PLCXD3: variants seen among roughly 807,000 people sequenced by gnomAD.
PLCXD3 encodes the protein phosphatidylinositol specific phospholipase C X domain containing 3.
In PLCXD3, 19 loss-of-function variants were observed where a neutral mutation model predicts 25.5. The ratio of observed to expected loss-of-function variants is 0.75; its 90% CI spans 0.52 to 1.09. The LOEUF is 1.09. Ranked by LOEUF, PLCXD3 falls within the 50% of genes least tolerant of loss-of-function variation. The probability of loss-of-function intolerance (pLI) is 0.00; values close to 1 mark genes in which losing one functional copy is unlikely to be tolerated. For synonymous variants in PLCXD3, 174 were observed against 137.6 expected, an observed-to-expected ratio of 1.26 and a Z score of -1.85; for missense variants, 411 against 388.1, an observed-to-expected ratio of 1.06 and a Z score of -0.50.
chr5:41,368,237 T>C (rs1406259357), intron 2 of PLCXD3, among the ~76,000 whole-genome samples: 1 of 152,190 alleles, frequency 6.6e-6, no homozygotes, highest in Non-Finnish European at 1.5e-5. Context: ...GAATGGTAGT[T>C]CATTCATAAT....
chr5:41,375,789 A>T (rs1745277128), intron 2 of PLCXD3, among the ~76,000 whole-genome samples: 1 of 152,144 alleles, frequency 6.6e-6, no homozygotes, highest in African/African-American at 2.4e-5. Context: ...AAATGCAGCC[A>T]GTGCTAAGCA....
At position 41,393,988 on chromosome 5, in the gene PLCXD3, G is replaced by T. The variant is rs548186502; in HGVS notation, c.104-11454C>A. Among the ~76,000 whole-genome samples, 7 of 151,992 alleles carry T rather than the reference G, an allele frequency of 4.6e-5. No individual in the cohort carries two copies. The South Asian group carries it at 1.5e-3, about 32-fold the overall frequency. On this transcript the variant is annotated intron_variant, in intron 1 of 2. Coordinates refer to ENST00000377801, the MANE Select transcript of PLCXD3 (RefSeq NM_001005473.3). Reference sequence around the variant, plus strand: ...ATAGTAAACATGGCAGAAAAACACAGAATATTATAAAACTGTCACTGTGGT... The same window carrying T: ...ATAGTAAACATGGCAGAAAAACACATAATATTATAAAACTGTCACTGTGGT...
At chr5:41,370,020 T>C (rs1745046897) in intron 2 of PLCXD3, among the ~76,000 whole-genome samples, 1 of 152,156 alleles carries the variant, frequency 6.6e-6, no homozygotes, top group African/African-American at 2.4e-5. Flanking sequence ...TACCGCTTCC[T>C]CCAGATAGGA....
At position 41,382,290 on chromosome 5, in the gene PLCXD3, C is replaced by A. The variant is rs1745488377; in HGVS notation, c.348G>T (p.Leu116Phe). 1 of 1,613,648 alleles carries A rather than the reference C, an allele frequency of 6.2e-7. No individual in the cohort carries two copies. Among genetic ancestry groups the A allele is most frequent in the Non-Finnish European group, 8.5e-7 (1 of 1,179,730 alleles). The change falls in exon 2 of 3, where the codon TTG (leucine) becomes TTT (phenylalanine). Residue 116 changes from leucine (L) to phenylalanine (F), a missense_variant. Leu to Phe is a conservative substitution (Grantham distance 22). Transcript: ENST00000377801. Reference protein sequence around the residue: ...PDNELYFAHGLFSAKVNEGLE... With the variant: ...PDNELYFAHGFFSAKVNEGLE... ...GGCCTTCATTGACTTTGGCACTGAACAAACCATGAGCAAAATAGAGTTCAT... is the reference window on the plus strand; with the variant it reads ...GGCCTTCATTGACTTTGGCACTGAAAAAACCATGAGCAAAATAGAGTTCAT...
At chr5:41,342,262 C>T (rs78512712) in intron 2 of PLCXD3, among the ~76,000 whole-genome samples, 5,769 of 152,228 alleles carry the variant, frequency 0.038, 131 homozygotes, top group Non-Finnish European at 0.054. Flanking sequence ...ATGGTTACTG[C>T]CTGCCAGGCA....
chr5:41,381,761 T>G, intron 2 of PLCXD3, 65 bp downstream of exon 2: 1 of 1,450,508 alleles, frequency 6.9e-7, no homozygotes, highest in Non-Finnish European at 9.4e-7. Flanking sequence ...CTTCATCACT[T>G]ATGAGCTCTA....
At chr5:41,425,508 T>G (rs1393383045) in intron 1 of PLCXD3, among the ~76,000 whole-genome samples, 1 of 152,192 alleles carries the variant, frequency 6.6e-6, no homozygotes, top group Non-Finnish European at 1.5e-5. Flanking sequence ...TAGTTCACAT[T>G]AGCATTTTCT....
chr5:41,433,821 C>T (rs1747172519), intron 1 of PLCXD3, among the ~76,000 whole-genome samples: 1 of 152,186 alleles, frequency 6.6e-6, no homozygotes, highest in Non-Finnish European at 1.5e-5. Context: ...TGAATTGATT[C>T]TTTAAACGCA....
rs571786938 is a variant in PLCXD3, at chr5:41,466,336, G to A, written c.103+44088C>T. 7.2e-5 allele frequency among the ~76,000 whole-genome samples: 11 copies of A among 151,998 alleles called. No homozygotes were observed. The South Asian group carries it at 2.3e-3, about 32-fold the overall frequency. ...AGCAATGTAGGGAGAAAAATCATAT[G>A]TACTATAAAAATGTGAGTATTACAT... On this transcript the variant is annotated intron_variant, in intron 1 of 2. Transcript: ENST00000377801.
intron 1 of PLCXD3, among the ~76,000 whole-genome samples, chr5:41,440,315 C>A (rs904372647): frequency 7.2e-6 from 1 of 139,000 alleles, no homozygotes; most frequent in African/African-American, 2.7e-5. Flanking sequence ...TCACTGCAAC[C>A]TCTGCCTCCC....
intron 1 of PLCXD3, among the ~76,000 whole-genome samples, chr5:41,431,153 G>A (rs1350813355): frequency 6.6e-6 from 1 of 152,170 alleles, no homozygotes; most frequent in Non-Finnish European, 1.5e-5. Flanking sequence ...TCCTTCCATA[G>A]AGGGATTTTA....
At chr5:41,395,431 C>A (rs1051691061) in intron 1 of PLCXD3, among the ~76,000 whole-genome samples, 23 of 151,518 alleles carry the variant, frequency 1.5e-4, no homozygotes, top group African/African-American at 5.6e-4. Flanking sequence ...TATGAAAAAA[C>A]AAAACCCATA....
chr5:41,492,116 T>C (rs1190089040), intron 1 of PLCXD3, among the ~76,000 whole-genome samples: 1 of 152,228 alleles, frequency 6.6e-6, no homozygotes, highest in Non-Finnish European at 1.5e-5. Context: ...AGGAGCTCTT[T>C]TAGGGCAGTC....
intron 1 of PLCXD3, among the ~76,000 whole-genome samples, chr5:41,483,354 G>A (rs566262621): frequency 6.6e-5 from 10 of 152,180 alleles, no homozygotes; most frequent in South Asian, 4.1e-4. Context: ...ATATTGGACC[G>A]GATGCGAAAT....
rs71608608 is a variant in PLCXD3, at chr5:41,496,627, C to CAAAAAAAA, written c.103+13789_103+13796dup. ...AGGAAAGGTAAAGCTTTTCCCAGAC[C>CAAAAAAAA]AAAAAAAAAAAAAAAAGCCTAGAAA... On this transcript the variant is annotated intron_variant, in intron 1 of 2. Coordinates refer to ENST00000377801, the MANE Select transcript of PLCXD3 (RefSeq NM_001005473.3). Among the ~76,000 whole-genome samples, 3 of 114,718 alleles carry CAAAAAAAA rather than the reference C, an allele frequency of 2.6e-5. 1 individual carries two copies. Among genetic ancestry groups the CAAAAAAAA allele is most frequent in the Non-Finnish European group, 5.6e-5 (3 of 53,826 alleles). 75.3% of individuals were successfully genotyped at this position (114,718 alleles called of 152,430 possible).
intron 1 of PLCXD3, among the ~76,000 whole-genome samples, chr5:41,458,025 T>A (rs1041310396): frequency 1.2e-4 from 18 of 151,910 alleles, no homozygotes; most frequent in Admixed American, 2.0e-4. Flanking sequence ...GAATCAACCA[T>A]CATTATGGTT....
intron 2 of PLCXD3, among the ~76,000 whole-genome samples, chr5:41,330,754 A>G (rs1176205296): frequency 6.6e-6 from 1 of 152,150 alleles, no homozygotes; most frequent in Non-Finnish European, 1.5e-5. Flanking sequence ...ACCATGATGA[A>G]GTGGGCTTCA....
At chr5:41,408,830 C>G (rs377721133) in intron 1 of PLCXD3, among the ~76,000 whole-genome samples, 1 of 152,064 alleles carries the variant, frequency 6.6e-6, no homozygotes, top group African/African-American at 2.4e-5. Flanking sequence ...GATCACCCTT[C>G]CAAATGTAGT....
chr5:41,318,355 T>C (rs1361810032), intron 2 of PLCXD3, among the ~76,000 whole-genome samples: 2 of 152,028 alleles, frequency 1.3e-5, no homozygotes, highest in Non-Finnish European at 2.9e-5. Context: ...GACTAAACAA[T>C]GAACCAATCA....
Sources: allele counts gnomAD v4.1 joint callset (sites outside exome capture counted in the v4.1 genomes callset), GRCh38; gene constraint gnomAD v4.1.1; transcripts MANE v1.5; gene names NCBI Gene and HGNC (gene_info 2026-07-23, HGNC 2026-07-21).